Variants in DNAH5 observed in about 807,000 individuals in gnomAD.
DNAH5 encodes the protein dynein axonemal heavy chain 5.
In DNAH5, 372 loss-of-function variants were observed where a neutral mutation model predicts 518.2. The observed-to-expected ratio is 0.72, with a 90% CI of 0.66 to 0.78. DNAH5 has a LOEUF of 0.78. Among genes scored for constraint, DNAH5 ranks in the 30% least tolerant of loss-of-function variants. DNAH5 has a pLI of 0.00. For synonymous variants in DNAH5, 2,039 were observed against 2,025.9 expected, an observed-to-expected ratio of 1.01 and a Z score of -0.17; for missense variants, 5,523 against 5,687.0, an observed-to-expected ratio of 0.97 and a Z score of 0.93.
In DNAH5 at chr5:13,700,498, T is replaced by C. The variant is rs923901117; in HGVS notation, c.13723+142A>G. 123 of 809,006 alleles carry C rather than the reference T, an allele frequency of 1.5e-4. 1 individual carries two copies. The highest frequency in any genetic ancestry group is 1.4e-3 in the Admixed American group (68 of 49,802). 50.1% of individuals were successfully genotyped at this position (809,006 alleles called of 1,614,324 possible). A position where few individuals can be genotyped will look rare whatever the true frequency, so the allele number is the denominator to read the frequency against. On this transcript the variant is annotated intron_variant, in intron 78 of 78. Coordinates refer to ENST00000265104, the MANE Select transcript of DNAH5 (RefSeq NM_001369.3). ...GTGCCTAGAAGTCAGTAAGTCCCCA[T>C]TAAACATGGGTGTGAATGTAAAGCT... is the stretch of plus-strand genomic sequence containing the variant.
intron 61 of DNAH5, among the ~76,000 whole-genome samples, chr5:13,758,332 G>A (rs555928064): frequency 7.9e-5 from 12 of 151,946 alleles, no homozygotes; most frequent in Non-Finnish European, 1.3e-4. Flanking sequence ...GTGAAAACTT[G>A]TCTCTACAAA....
chr5:13,794,432 C>T (rs1326095488), intron 47 of DNAH5, among the ~76,000 whole-genome samples: 1 of 152,202 alleles, frequency 6.6e-6, no homozygotes, highest in East Asian at 1.9e-4. Flanking sequence ...AACAAGGCTA[C>T]TGTGTGAGAA....
At chr5:13,933,619 T>C (rs1459249812) in intron 1 of DNAH5, among the ~76,000 whole-genome samples, 1 of 151,878 alleles carries the variant, frequency 6.6e-6, no homozygotes, top group African/African-American at 2.4e-5. Flanking sequence ...GCCAAAACCC[T>C]GTCTCTACTA....
At chr5:13,778,496 A>ACGGGAGGG in intron 53 of DNAH5, among the ~76,000 whole-genome samples, 1 of 84,812 alleles carries the variant, frequency 1.2e-5, no homozygotes, top group African/African-American at 5.0e-5. Flanking sequence ...GGAAGGAAGG[A>ACGGGAGGG]AGGGAGGGAG....
At chr5:13,794,139 T>C in intron 47 of DNAH5, 81 bp from the exon 48 acceptor site, 1 of 1,578,348 alleles carries the variant, frequency 6.3e-7, no homozygotes, top group East Asian at 2.2e-5. Flanking sequence ...CAACAAAAAC[T>C]GGTAACCTTT....
In DNAH5 at chr5:13,708,267, G is replaced by C. The variant is rs769150763; in HGVS notation, c.13194C>G (p.Asp4398Glu). The change falls in exon 76 of 79, where the codon GAC (aspartate) becomes GAG (glutamate). Residue 4398 changes from aspartate to glutamate, a missense_variant. By Grantham distance (45) the Asp-to-Glu change is conservative. This residue lies in a region of DNAH5 where 387 missense variants were observed against 430.0 expected (regional missense o/e 0.90). Transcript: ENST00000265104. ...CAAGGCTGAGTACCCTTTGCATTCT[G>C]TCTATTTCCTGCCTGAGGAAAATGT... ...PMNIFLRQEI[D>E]RMQRVLSLVR... 1 of 1,614,030 alleles carries C rather than the reference G, an allele frequency of 6.2e-7. No homozygotes were observed. Among genetic ancestry groups the C allele is most frequent in the South Asian group, 1.1e-5 (1 of 91,078 alleles).
chr5:13,829,233 G>C (rs1410475588), intron 38 of DNAH5, among the ~76,000 whole-genome samples: 1 of 152,110 alleles, frequency 6.6e-6, no homozygotes, highest in Non-Finnish European at 1.5e-5. Context: ...TCTATAAGTG[G>C]TATAAACAGC....
At chr5:13,725,109 A>AGCTT (rs1745548358) in intron 70 of DNAH5, among the ~76,000 whole-genome samples, 1 of 152,208 alleles carries the variant, frequency 6.6e-6, no homozygotes, top group African/African-American at 2.4e-5. Context: ...GCCCTTATGA[A>AGCTT]GCTTGCCCCC....
intron 1 of DNAH5, among the ~76,000 whole-genome samples, chr5:13,955,001 G>A (rs920768393): frequency 6.6e-6 from 1 of 152,176 alleles, no homozygotes; most frequent in Non-Finnish European, 1.5e-5. Flanking sequence ...TCAACGCGAA[G>A]TCAAAGGCAG....
chr5:13,769,239 G>GTTT, intron 57 of DNAH5, 103 bp from the exon 58 acceptor site: 1 of 989,330 alleles, frequency 1.0e-6, no homozygotes, highest in Non-Finnish European at 1.5e-6. Flanking sequence ...CACTTACCCA[G>GTTT]TTTTGTTGTT....
chr5:13,901,304 G>A lies in DNAH5; in HGVS notation c.2000C>T (p.Ala667Val), dbSNP rs1359840069. ...GACCTCAAACTCCAGGAGGACCTTG[G>A]CCATCCTGTTGTAACTGCGAATTAT... Reference protein sequence around the residue: ...KPIIRSYNRMAKVLLEFEVLF... With the variant: ...KPIIRSYNRMVKVLLEFEVLF... Residue 667 changes from alanine (A) to valine (V), a missense_variant, in exon 14 of 79, where the codon GCC becomes GTC. By Grantham distance (64) the Ala-to-Val change is moderately conservative. Transcript: ENST00000265104. 1 of 1,614,172 alleles carries A rather than the reference G, an allele frequency of 6.2e-7. No homozygotes were observed. Among genetic ancestry groups the A allele is most frequent in the Non-Finnish European group, 8.5e-7 (1 of 1,180,014 alleles).
chr5:13,762,146 A>T (rs1751872056), intron 60 of DNAH5, among the ~76,000 whole-genome samples: 1 of 152,242 alleles, frequency 6.6e-6, no homozygotes, highest in Non-Finnish European at 1.5e-5. Flanking sequence ...AGGAATATGC[A>T]AAAATGAAGC....
At position 13,862,626 on chromosome 5, in the gene DNAH5, A is replaced by G; in HGVS notation, c.4718T>C (p.Leu1573Ser). 6.2e-7 allele frequency: 1 copy of G among 1,613,910 alleles called. No individual in the cohort carries two copies. The change falls in exon 29 of 79, where the codon TTG becomes TCG. Residue 1573 changes from leucine (L) to serine (S), a missense_variant. Around this residue, in one of 3 missense-constraint regions of DNAH5, gnomAD observed 5,121 missense variants for 5,223.3 expected, o/e 0.98. Transcript: ENST00000265104. The part of the protein sequence containing the change: ...GSFKTRGELL[L>S]RGDSTSEIIA... ...GATTTCCGAGGTACTGTCTCCTCTC[A>G]AGAGGAGCTCTCCACGGGTTTTAAA...
intron 1 of DNAH5, among the ~76,000 whole-genome samples, chr5:13,981,318 A>G (rs1371749369): frequency 6.6e-6 from 1 of 152,208 alleles, no homozygotes; most frequent in Non-Finnish European, 1.5e-5. Flanking sequence ...TGAGCTCTTT[A>G]AGGTCACATA....
chr5:13,971,322 G>A (rs1261717430), intron 1 of DNAH5, among the ~76,000 whole-genome samples: 1 of 152,120 alleles, frequency 6.6e-6, no homozygotes, highest in Non-Finnish European at 1.5e-5. Flanking sequence ...CAGCTAATGT[G>A]ATCCTTTAGG....
At chr5:13,705,001 T>A (rs1176641518) in intron 76 of DNAH5, among the ~76,000 whole-genome samples, 1 of 151,990 alleles carries the variant, frequency 6.6e-6, no homozygotes, top group South Asian at 2.1e-4. Flanking sequence ...CAATTTTTTT[T>A]TTTTTTCTGA....
At chr5:13,922,476 C>G (rs1777415581) in intron 4 of DNAH5, 148 bp from the exon 5 acceptor site, 1 of 863,126 alleles carries the variant, frequency 1.2e-6, no homozygotes, top group Non-Finnish European at 1.9e-6. Context: ...CCTGTAATCC[C>G]AGCACTTTGG....
chr5:13,765,874 A>G, intron 59 of DNAH5, 102 bp downstream of exon 59: 1 of 1,169,638 alleles, frequency 8.5e-7, no homozygotes, highest in Non-Finnish European at 1.3e-6. Context: ...AAAATCATGT[A>G]TGTAGAGTAA....
chr5:13,858,236 C>A (rs1767898003), intron 30 of DNAH5, among the ~76,000 whole-genome samples: 1 of 152,036 alleles, frequency 6.6e-6, no homozygotes, highest in Non-Finnish European at 1.5e-5. Context: ...TACTATGCAG[C>A]CACAAAAAAG....
Sources: gnomAD v4.1 joint callset for allele counts (sites outside exome capture counted in the v4.1 genomes callset) on GRCh38, gnomAD v4.1.1 for gene constraint, gnomAD v4.1.1 regional missense constraint, MANE v1.5 for transcripts, NCBI Gene and HGNC (gene_info 2026-07-23, HGNC 2026-07-21) for gene names.